Variants in PTPRQ observed in about 807,000 individuals in gnomAD.
PTPRQ encodes the protein phosphatidylinositol phosphatase PTPRQ.
In PTPRQ, 199 loss-of-function variants were observed where a neutral mutation model predicts 246.0. That is an observed-to-expected ratio of 0.81 (90% confidence interval 0.72 to 0.91). The LOEUF (loss-of-function observed/expected upper bound fraction) is 0.91. Ranked by LOEUF, PTPRQ falls within the 40% of genes least tolerant of loss-of-function variation. PTPRQ has a pLI of 0.00. For synonymous variants in PTPRQ, 869 were observed against 853.2 expected (o/e 1.02, Z -0.32); for missense variants, 2,624 against 2,528.4 (o/e 1.04, Z -0.81).
At chr12:80,471,492 A>T (rs4370992) in intron 7 of PTPRQ, among the ~76,000 whole-genome samples, 74,804 of 78,928 alleles carry the variant, frequency 0.95, 35,743 homozygotes, top group Non-Finnish European at 0.97. Context: ...TTTTTTTTTT[A>T]TTTGAGACAG....
At chr12:80,445,763 A>G (rs1401876663) in intron 3 of PTPRQ, 46 bp downstream of exon 3, 7 of 1,304,282 alleles carry the variant, frequency 5.4e-6, no homozygotes, top group East Asian at 2.5e-5. Flanking sequence ...CATTTCATTC[A>G]TTTTAAAAGT....
chr12:80,551,364 C>T (rs377562120), intron 25 of PTPRQ, among the ~76,000 whole-genome samples: 1 of 152,066 alleles, frequency 6.6e-6, no homozygotes, highest in African/African-American at 2.4e-5. Context: ...GCAATTTGCC[C>T]CTTCTCCACC....
intron 8 of PTPRQ, among the ~76,000 whole-genome samples, chr12:80,476,084 A>G (rs1893801746): frequency 6.6e-6 from 1 of 151,998 alleles, no homozygotes; most frequent in Non-Finnish European, 1.5e-5. Flanking sequence ...CATCAGTTCA[A>G]AATAAATGGA....
At chr12:80,641,625 G>C (rs1899858523) in intron 35 of PTPRQ, among the ~76,000 whole-genome samples, 1 of 152,164 alleles carries the variant, frequency 6.6e-6, no homozygotes, top group Admixed American at 6.5e-5. Context: ...ATTTCCTTCA[G>C]AGGACCTGCT....
At position 80,482,820 on chromosome 12, in the gene PTPRQ, A is replaced by T. The variant is rs1290446497; in HGVS notation, c.1187-1613A>T. Among the ~76,000 whole-genome samples, 21 of 145,662 alleles carry T rather than the reference A, an allele frequency of 1.4e-4. No individual in the cohort carries two copies. The East Asian group carries it at 4.1e-3, about 28-fold the overall frequency. ...TCAGAGAAATGCAAATCAAAACCAC[A>T]ATGAGATATCATCTCACACCAGTTA... On this transcript the variant is annotated intron_variant, in intron 8 of 44. Coordinates refer to ENST00000644991, the MANE Select transcript of PTPRQ (RefSeq NM_001145026.2).
At chr12:80,477,495 C>G (rs1893851006) in intron 8 of PTPRQ, among the ~76,000 whole-genome samples, 1 of 152,168 alleles carries the variant, frequency 6.6e-6, no homozygotes, top group Admixed American at 6.5e-5. Context: ...CTGCTCCTTA[C>G]TTACATTTCG....
chr12:80,636,738 C>T (rs1163307770), intron 35 of PTPRQ, among the ~76,000 whole-genome samples: 1 of 152,060 alleles, frequency 6.6e-6, no homozygotes, highest in African/African-American at 2.4e-5. Flanking sequence ...ACTTAGTAGC[C>T]CGTGAAAAAT....
intron 17 of PTPRQ, among the ~76,000 whole-genome samples, chr12:80,531,911 T>A (rs1467428792): frequency 1.3e-5 from 2 of 152,266 alleles, no homozygotes; most frequent in East Asian, 3.9e-4. Flanking sequence ...TACTATGTTT[T>A]TATTAACATA....
intron 26 of PTPRQ, 121 bp downstream of exon 26, chr12:80,588,573 C>T (rs1292696089): frequency 1.8e-6 from 2 of 1,086,006 alleles, no homozygotes; most frequent in East Asian, 6.1e-5. Flanking sequence ...TAACTGAGGA[C>T]ACTACCATAT....
At chr12:80,619,299 T>C in intron 30 of PTPRQ, 85 bp from the exon 31 acceptor site, 1 of 1,429,614 alleles carries the variant, frequency 7.0e-7, no homozygotes, top group Non-Finnish European at 9.4e-7. Flanking sequence ...TATCTGTAAA[T>C]TAACTGCATG....
At chr12:80,545,354 G>A (rs574504665) in intron 23 of PTPRQ, among the ~76,000 whole-genome samples, 80 of 152,092 alleles carry the variant, frequency 5.3e-4, no homozygotes, top group Non-Finnish European at 1.1e-3. Context: ...TTTTAAAATA[G>A]GATTCTAATT....
Position 80,620,660 on chromosome 12 carries a change from T to C in PTPRQ, c.5612+284T>C, listed in dbSNP as rs147508782. Reference sequence around the variant, plus strand: ...AAAATGTGCTATTGGAGAACATAGGTATATAGGAGAATTTAATTCTTTCTG... The same window carrying C: ...AAAATGTGCTATTGGAGAACATAGGCATATAGGAGAATTTAATTCTTTCTG... On this transcript the variant is annotated intron_variant, in intron 32 of 44. Transcript: ENST00000644991. 6.1e-3 allele frequency among the ~76,000 whole-genome samples: 928 copies of C among 151,836 alleles called. 11 individuals carry two copies. Among genetic ancestry groups the C allele is most frequent in the African/African-American group, 0.021 (864 of 41,474 alleles).
At chr12:80,519,470 C>G (rs184334780) in intron 17 of PTPRQ, among the ~76,000 whole-genome samples, 4 of 152,108 alleles carry the variant, frequency 2.6e-5, no homozygotes, top group African/African-American at 9.7e-5. Flanking sequence ...AGGATGACAG[C>G]CTTCAAAGTG....
In PTPRQ at chr12:80,670,480, T is replaced by G; in HGVS notation, c.6590T>G (p.Ile2197Ser). 1 of 1,548,658 alleles carries G rather than the reference T, an allele frequency of 6.5e-7. No homozygotes were observed. Among genetic ancestry groups the G allele is most frequent in the Non-Finnish European group, 8.7e-7 (1 of 1,145,492 alleles). ...ASRAHDTTPM[I>S]VHCSAGVGRT... Reference sequence around the variant, plus strand: ...AGGGCACATGACACCACACCTATGATTGTTCACTGCAGGTGAGAAAGTGAT... The same window carrying G: ...AGGGCACATGACACCACACCTATGAGTGTTCACTGCAGGTGAGAAAGTGAT... Residue 2197 changes from isoleucine (I) to serine (S), a missense_variant, in exon 42 of 45, where the codon ATT becomes AGT. Transcript: ENST00000644991.
At chr12:80,600,196 A>G (rs1898096794) in intron 26 of PTPRQ, among the ~76,000 whole-genome samples, 1 of 151,802 alleles carries the variant, frequency 6.6e-6, no homozygotes, top group Non-Finnish European at 1.5e-5. Flanking sequence ...AGGAAATTAA[A>G]ATATTTAGTA....
intron 6 of PTPRQ, among the ~76,000 whole-genome samples, chr12:80,467,670 T>G (rs1893477176): frequency 6.6e-6 from 1 of 151,928 alleles, no homozygotes; most frequent in Non-Finnish European, 1.5e-5. Flanking sequence ...TGGAATACTA[T>G]GCAGCCATAA....
chr12:80,471,529 G>C (rs1244926628), intron 7 of PTPRQ, among the ~76,000 whole-genome samples: 4 of 35,556 alleles, frequency 1.1e-4, no homozygotes, highest in African/African-American at 2.8e-4. Context: ...CCAGGCTGGA[G>C]TGCAGTGGCG....
chr12:80,457,003 T>G (rs185738582), intron 3 of PTPRQ, among the ~76,000 whole-genome samples: 126 of 152,280 alleles, frequency 8.3e-4, no homozygotes, highest in African/African-American at 2.9e-3. Context: ...AGCTTGAGTC[T>G]TATTCTCATT....
At chr12:80,494,304 A>G (rs2120648712) in intron 10 of PTPRQ, among the ~76,000 whole-genome samples, 1 of 152,146 alleles carries the variant, frequency 6.6e-6, no homozygotes, top group East Asian at 1.9e-4. Context: ...TTAGAAGCAC[A>G]AATTCTAAAT....
Sources: gnomAD v4.1 joint callset for allele counts (sites outside exome capture counted in the v4.1 genomes callset) on GRCh38, gnomAD v4.1.1 for gene constraint, MANE v1.5 for transcripts, NCBI Gene and HGNC (gene_info 2026-07-23, HGNC 2026-07-21) for gene names.